The following KCNJ15 variants were observed in gnomAD, a reference collection of about 807,000 sequenced individuals.
KCNJ15 encodes the protein ATP-sensitive inward rectifier potassium channel 15.
Under a neutral mutation model 23.0 loss-of-function variants are expected in KCNJ15, and 14 were observed. The observed-to-expected ratio is 0.61, with a 90% CI of 0.40 to 0.95. The LOEUF is 0.95. Among genes scored for constraint, KCNJ15 ranks in the 40% least tolerant of loss-of-function variants. KCNJ15 has a pLI of 0.00. For missense variants in KCNJ15, 388 were observed against 461.8 expected (o/e 0.84, Z 1.46); for synonymous variants, 185 against 183.2 (o/e 1.01, Z -0.08).
chr21:38,290,252 T>A (rs1301017882), intron 1 of KCNJ15, among the ~76,000 whole-genome samples: 1 of 152,152 alleles, frequency 6.6e-6, no homozygotes, highest in Non-Finnish European at 1.5e-5. Flanking sequence ...CTTTGTCGAG[T>A]ACAGAAGGGT....
intron 1 of KCNJ15, among the ~76,000 whole-genome samples, chr21:38,264,544 T>G (rs992591199): frequency 6.6e-6 from 1 of 152,270 alleles, no homozygotes; most frequent in African/African-American, 2.4e-5. Context: ...TCAAGCAATA[T>G]GTATTGAATC....
intron 1 of KCNJ15, among the ~76,000 whole-genome samples, chr21:38,274,773 T>A (rs1982479877): frequency 6.6e-6 from 1 of 152,190 alleles, no homozygotes; most frequent in African/African-American, 2.4e-5. Flanking sequence ...TACATAGGTG[T>A]CCAGCCATCT....
chr21:38,237,868 A>G (rs756815865), intron 1 of KCNJ15, among the ~76,000 whole-genome samples: 68 of 152,220 alleles, frequency 4.5e-4, no homozygotes, highest in Non-Finnish European at 1.5e-4. Context: ...GTGTTCAGCT[A>G]TAAATATGGG....
intron 1 of KCNJ15, among the ~76,000 whole-genome samples, chr21:38,233,512 CTTTATTACTTTCTTTTGTATTAAA>C: frequency 6.6e-6 from 1 of 151,992 alleles, no homozygotes; most frequent in East Asian, 1.9e-4. Flanking sequence ...TCTGTTCCAC[CTTTATTACTTTCTTTTGTATTAAA>C]TTAATGTTTG....
chr21:38,274,368 T>G (rs908189926), intron 1 of KCNJ15, among the ~76,000 whole-genome samples: 4 of 152,306 alleles, frequency 2.6e-5, no homozygotes, highest in African/African-American at 9.6e-5. Flanking sequence ...AAGATCACAC[T>G]TCTCCAATTT....
intron 1 of KCNJ15, among the ~76,000 whole-genome samples, chr21:38,271,780 AC>A (rs1435703512): frequency 7.9e-5 from 12 of 152,184 alleles, no homozygotes; most frequent in African/African-American, 2.9e-4. Context: ...GCAGAAGGTC[AC>A]TATAGGAACA....
At position 38,249,323 on chromosome 21, in the gene KCNJ15, A is replaced by C. The variant is rs546095060; in HGVS notation, c.-398-7723A>C. Among the ~76,000 whole-genome samples the C allele has an allele frequency of 4.6e-5, 7 of 152,324 alleles. No individual in the cohort carries two copies. In the South Asian group the frequency reaches 1.4e-3, roughly 32 times the overall value. ...ATGTGCGTACTAGGTGATATATGTT[A>C]TTTACTGATTGATAAATGGTAAGGC... On this transcript the variant is annotated intron_variant, in intron 1 of 4. Coordinates refer to the KCNJ15 transcript ENST00000547341.
At chr21:38,284,673 C>T (rs1983700744) in intron 1 of KCNJ15, among the ~76,000 whole-genome samples, 1 of 152,188 alleles carries the variant, frequency 6.6e-6, no homozygotes, top group African/African-American at 2.4e-5. Context: ...TCCTTGTGCT[C>T]CAAGGATGGG....
rs1271080957 is a variant in KCNJ15, at chr21:38,300,758, A to G, written c.*369A>G. The G allele has an allele frequency of 5.2e-6, 1 of 192,686 alleles. No individual in the cohort carries two copies. The highest frequency in any genetic ancestry group is 5.7e-5 in the Admixed American group (1 of 17,600). The allele number at this position is 192,686 out of a possible 1,614,324, so 11.9% of individuals were successfully genotyped here. A position where few individuals can be genotyped will look rare whatever the true frequency, so the allele number is the denominator to read the frequency against. ...AAGATTATTAGCTGTAATACAAGATATTTATTTAACCAATGACCTTATGGC... is the reference window on the plus strand; with the variant it reads ...AAGATTATTAGCTGTAATACAAGATGTTTATTTAACCAATGACCTTATGGC... On this transcript the variant is annotated 3_prime_UTR_variant, in exon 3 of 3. Coordinates refer to ENST00000398938, the MANE Select transcript of KCNJ15 (RefSeq NM_170736.3).
chr21:38,246,654 C>G (rs1568984558), intron 1 of KCNJ15, among the ~76,000 whole-genome samples: 1 of 152,128 alleles, frequency 6.6e-6, no homozygotes, highest in Non-Finnish European at 1.5e-5. Flanking sequence ...GAACATATTA[C>G]AAAGGAAGCA....
intron 1 of KCNJ15, among the ~76,000 whole-genome samples, chr21:38,285,165 G>T (rs145520649): frequency 7.4e-4 from 112 of 152,294 alleles, no homozygotes; most frequent in African/African-American, 1.1e-3. Flanking sequence ...GAGAATGAAG[G>T]CTCTTGTTGA....
intron 1 of KCNJ15, among the ~76,000 whole-genome samples, chr21:38,238,838 G>GT: frequency 6.6e-6 from 1 of 152,248 alleles, no homozygotes; most frequent in East Asian, 1.9e-4. Flanking sequence ...CAAAAGTATA[G>GT]TAAAAAATGA....
At chr21:38,294,261 T>A (rs1295942478) in intron 1 of KCNJ15, among the ~76,000 whole-genome samples, 1 of 152,236 alleles carries the variant, frequency 6.6e-6, no homozygotes, top group Admixed American at 6.5e-5. Context: ...AAAAAGCTTT[T>A]TAAGTAACTT....
chr21:38,236,136 G>T (rs937897010), intron 1 of KCNJ15, among the ~76,000 whole-genome samples: 5 of 152,158 alleles, frequency 3.3e-5, no homozygotes, highest in African/African-American at 1.2e-4. Context: ...CAACCCCTCT[G>T]TTTTCTGTCT....
chr21:38,284,330 C>A (rs1983661180), intron 1 of KCNJ15, among the ~76,000 whole-genome samples: 1 of 152,184 alleles, frequency 6.6e-6, no homozygotes, highest in African/African-American at 2.4e-5. Flanking sequence ...CCCACCCCAA[C>A]ACACCTCATT....
intron 1 of KCNJ15, among the ~76,000 whole-genome samples, chr21:38,259,939 A>T (rs1980704123): frequency 6.6e-6 from 1 of 152,160 alleles, no homozygotes; most frequent in Non-Finnish European, 1.5e-5. Flanking sequence ...GCAATCTAAG[A>T]AGTGCTAAAT....
At position 38,301,978 on chromosome 21, in the gene KCNJ15, ACATGCACACACGCG is replaced by A. The variant is rs1002018419; in HGVS notation, c.*1591_*1604del. 3.9e-5 allele frequency: 6 copies of A among 154,780 alleles called. No homozygotes were observed. Among genetic ancestry groups the A allele is most frequent in the Non-Finnish European group, 5.9e-5 (4 of 68,272 alleles). 9.6% of individuals were successfully genotyped at this position (154,780 alleles called of 1,614,324 possible). A position where few individuals can be genotyped will look rare whatever the true frequency, so the allele number is the denominator to read the frequency against. Reference sequence around the variant, plus strand: ...CACAGTCACACACGCACACACACACACATGCACACACGCGCGTGCACACACGCACACATGCACAC... The same window carrying A: ...CACAGTCACACACGCACACACACACACGTGCACACACGCACACATGCACAC... On this transcript the variant is annotated 3_prime_UTR_variant, in exon 3 of 3. Coordinates refer to ENST00000398938, the MANE Select transcript of KCNJ15 (RefSeq NM_170736.3).
Position 38,299,896 on chromosome 21 carries a change from TCTCTGGCAAGCTCCTGCA to T in KCNJ15, c.636_653del (p.Ser213_Gln218del). 2.5e-6 allele frequency: 4 copies of T among 1,614,006 alleles called. No homozygotes were observed. Among genetic ancestry groups the T allele is most frequent in the Non-Finnish European group, 3.4e-6 (4 of 1,179,990 alleles). ...AAGAGCCTCTTGATTCAGTGCCAGC[TCTCTGGCAAGCTCCTGCA>T]GACCCACGTCACCAAGGAGGGGGAG... On this transcript the variant is annotated inframe_deletion, in exon 3 of 3. Coordinates refer to ENST00000398938, the MANE Select transcript of KCNJ15 (RefSeq NM_170736.3). The surrounding 1 kb of genome is among the most constrained non-coding windows in gnomAD (Gnocchi z 4.5).
At chr21:38,284,772 G>A (rs115027603) in intron 1 of KCNJ15, among the ~76,000 whole-genome samples, 8 of 152,076 alleles carry the variant, frequency 5.3e-5, no homozygotes, top group East Asian at 3.9e-4. Context: ...CTTCCCTCTC[G>A]CCTACTCAAT....
Sources: gnomAD v4.1 joint callset for allele counts (sites outside exome capture counted in the v4.1 genomes callset) on GRCh38, gnomAD v4.1.1 for gene constraint, Gnocchi (gnomAD v3.1) non-coding constraint, MANE v1.5 for transcripts, NCBI Gene and HGNC (gene_info 2026-07-23, HGNC 2026-07-21) for gene names.